Variants in RNGTT observed in about 807,000 individuals in gnomAD.
RNGTT encodes the protein RNA guanylyltransferase and 5'-phosphatase.
In RNGTT, 33 loss-of-function variants were observed where a neutral mutation model predicts 79.3. The ratio of observed to expected loss-of-function variants is 0.42; its 90% CI spans 0.32 to 0.56. The LOEUF (loss-of-function observed/expected upper bound fraction) is 0.56. Among genes scored for constraint, RNGTT ranks in the 20% least tolerant of loss-of-function variants. The probability of loss-of-function intolerance (pLI) is 0.17; values close to 1 mark genes in which losing one functional copy is unlikely to be tolerated. For missense variants in RNGTT, 497 were observed against 739.1 expected, an observed-to-expected ratio of 0.67 and a Z score of 3.80; for synonymous variants, 222 against 235.9, an observed-to-expected ratio of 0.94 and a Z score of 0.54.
At chr6:88,736,632 A>G (rs1777295494) in intron 13 of RNGTT, among the ~76,000 whole-genome samples, 1 of 152,212 alleles carries the variant, frequency 6.6e-6, no homozygotes, top group East Asian at 1.9e-4. Context: ...CAGAACTTAA[A>G]GATGTGGCAA....
intron 11 of RNGTT, among the ~76,000 whole-genome samples, chr6:88,813,806 C>T (rs1582492818): frequency 6.6e-6 from 1 of 152,154 alleles, no homozygotes; most frequent in East Asian, 1.9e-4. Context: ...ATCAAAGTAT[C>T]CTATGCTTCC....
intron 13 of RNGTT, among the ~76,000 whole-genome samples, chr6:88,728,707 A>G (rs2127818353): frequency 6.6e-6 from 1 of 152,256 alleles, no homozygotes. Flanking sequence ...ATTCTTTGAA[A>G]TGTGTTTCTT....
intron 13 of RNGTT, among the ~76,000 whole-genome samples, chr6:88,692,962 C>T (rs2127796684): frequency 6.6e-6 from 1 of 151,784 alleles, no homozygotes; most frequent in East Asian, 1.9e-4. Flanking sequence ...AAGCAACACA[C>T]CAAAACTGAT....
chr6:88,685,249 T>C (rs1582327528), intron 13 of RNGTT, among the ~76,000 whole-genome samples: 1 of 152,144 alleles, frequency 6.6e-6, no homozygotes, highest in African/African-American at 2.4e-5. Context: ...TCTAAATCCA[T>C]AGCACTATAA....
At chr6:88,769,935 T>A (rs922580275) in intron 12 of RNGTT, 61 bp from the exon 13 acceptor site, 1 of 1,114,892 alleles carries the variant, frequency 9.0e-7, no homozygotes, top group African/African-American at 1.6e-5. Flanking sequence ...ACATTCAATG[T>A]ATTAAACCTA....
rs1287763441 is a variant in RNGTT at position 88,659,631 on chromosome 6, G to A, written c.1506+18722C>T. ...GAATTAAAAAAAAAAAATGAACAAAGCCTCCAAGAAATTTGGGATTATGTT... is the reference window on the plus strand; with the variant it reads ...GAATTAAAAAAAAAAAATGAACAAAACCTCCAAGAAATTTGGGATTATGTT... On this transcript the variant is annotated intron_variant, in intron 14 of 15. Transcript: ENST00000369485. 3.3e-5 allele frequency among the ~76,000 whole-genome samples: 5 copies of A among 150,994 alleles called. No individual in the cohort carries two copies. The East Asian group carries it at 9.7e-4, about 29-fold the overall frequency.
At chr6:88,738,993 C>G (rs1777377883) in intron 13 of RNGTT, among the ~76,000 whole-genome samples, 1 of 151,858 alleles carries the variant, frequency 6.6e-6, no homozygotes, top group Non-Finnish European at 1.5e-5. Flanking sequence ...TTATTCCTTA[C>G]TTTAGAAAAC....
chr6:88,928,579 T>C lies in RNGTT; in HGVS notation c.367+406A>G, dbSNP rs535016662. 2.0e-5 allele frequency among the ~76,000 whole-genome samples: 3 copies of C among 152,274 alleles called. No homozygotes were observed. The South Asian group carries it at 6.2e-4, about 32-fold the overall frequency. On this transcript the variant is annotated intron_variant, in intron 4 of 15. Coordinates refer to ENST00000369485, the MANE Select transcript of RNGTT (RefSeq NM_003800.5). ...AACAAGAGTATAAACTGTGGTGTATTTGTATAATGGAATACTATATAGAAG... is the reference window on the plus strand; with the variant it reads ...AACAAGAGTATAAACTGTGGTGTATCTGTATAATGGAATACTATATAGAAG...
At chr6:88,751,220 C>T (rs934718499) in intron 13 of RNGTT, among the ~76,000 whole-genome samples, 6 of 152,014 alleles carry the variant, frequency 3.9e-5, no homozygotes, top group Admixed American at 2.0e-4. Flanking sequence ...AATGAATTCA[C>T]GTAATTTACA....
At chr6:88,645,245 C>T (rs1773498023) in intron 14 of RNGTT, among the ~76,000 whole-genome samples, 1 of 152,088 alleles carries the variant, frequency 6.6e-6, no homozygotes, top group African/African-American at 2.4e-5. Context: ...GAGTGAACTC[C>T]CATTCACAAT....
chr6:88,796,583 C>T (rs767181433), intron 12 of RNGTT, among the ~76,000 whole-genome samples: 22 of 152,004 alleles, frequency 1.4e-4, no homozygotes, highest in Middle Eastern at 3.4e-3. Flanking sequence ...ATAATATGAA[C>T]GAAGAAATAG....
At chr6:88,685,736 A>C (rs1362843421) in intron 13 of RNGTT, among the ~76,000 whole-genome samples, 1 of 152,082 alleles carries the variant, frequency 6.6e-6, no homozygotes, top group Non-Finnish European at 1.5e-5. Flanking sequence ...ATTTGAAAAA[A>C]CTAAACACCC....
intron 8 of RNGTT, among the ~76,000 whole-genome samples, chr6:88,854,328 T>C (rs542551292): frequency 3.9e-5 from 6 of 152,208 alleles, no homozygotes; most frequent in African/African-American, 1.4e-4. Context: ...TATTCAGGAG[T>C]AACCTTATGA....
At chr6:88,626,601 C>T (rs187635122) in intron 14 of RNGTT, among the ~76,000 whole-genome samples, 69 of 152,182 alleles carry the variant, frequency 4.5e-4, no homozygotes, top group Middle Eastern at 3.4e-3. Flanking sequence ...CCCAAATGCA[C>T]GTCATTCTGA....
At chr6:88,800,112 T>C (rs778137628) in intron 12 of RNGTT, among the ~76,000 whole-genome samples, 2 of 152,194 alleles carry the variant, frequency 1.3e-5, no homozygotes, top group Admixed American at 1.3e-4. Context: ...ACATATCACA[T>C]TGTCTCTAAA....
chr6:88,783,136 A>G (rs1179997539), intron 12 of RNGTT, among the ~76,000 whole-genome samples: 1 of 152,182 alleles, frequency 6.6e-6, no homozygotes, highest in Non-Finnish European at 1.5e-5. Context: ...AAGATATGGA[A>G]GCAACTTAAA....
At chr6:88,647,477 C>T (rs1216609866) in intron 14 of RNGTT, among the ~76,000 whole-genome samples, 1 of 151,854 alleles carries the variant, frequency 6.6e-6, no homozygotes, top group Non-Finnish European at 1.5e-5. Flanking sequence ...AATGCCAGCA[C>T]TTTGGGAGGC....
At chr6:88,657,537 G>T (rs1325973102) in intron 14 of RNGTT, among the ~76,000 whole-genome samples, 1 of 152,156 alleles carries the variant, frequency 6.6e-6, no homozygotes, top group Non-Finnish European at 1.5e-5. Flanking sequence ...ACAGAATCAG[G>T]GGGTGGGGAG....
chr6:88,644,298 C>A (rs1198554337), intron 14 of RNGTT, among the ~76,000 whole-genome samples: 1 of 151,970 alleles, frequency 6.6e-6, no homozygotes, highest in Non-Finnish European at 1.5e-5. Flanking sequence ...CAAGACTAAA[C>A]CAGGAAGAAG....
Sources: allele counts gnomAD v4.1 joint callset (sites outside exome capture counted in the v4.1 genomes callset), GRCh38; gene constraint gnomAD v4.1.1; transcripts MANE v1.5; gene names NCBI Gene and HGNC (gene_info 2026-07-23, HGNC 2026-07-21).